Variants in ATP6V0A4 observed in about 807,000 individuals in gnomAD.
ATP6V0A4 encodes ATPase H+ transporting V0 subunit a4, also known as V-type proton ATPase 116 kDa subunit a 4.
ATP6V0A4 carries 86 observed loss-of-function variants against 107.3 expected under a neutral mutation model. That is an observed-to-expected ratio of 0.80 (90% CI 0.67 to 0.96). The LOEUF is 0.96. Ranked by LOEUF, ATP6V0A4 falls within the 40% of genes least tolerant of loss-of-function variation. The pLI is 0.00. For synonymous variants in ATP6V0A4, 353 were observed against 381.4 expected (o/e 0.93, Z 0.87); for missense variants, 908 against 1,045.6 (o/e 0.87, Z 1.81).
rs117531341 is a variant in ATP6V0A4, at chr7:138,773,917, C to A, written c.-17-2653G>T. 4,553 of 152,374 alleles carry A rather than the reference C, an allele frequency of 0.03. 100 individuals are homozygous for A. The highest frequency in any genetic ancestry group is 0.048 in the Non-Finnish European group (3,300 of 68,056). 9.4% of individuals were successfully genotyped at this position (152,374 alleles called of 1,614,324 possible). A position where few individuals can be genotyped will look rare whatever the true frequency, so the allele number is the denominator to read the frequency against. Reference sequence around the variant, plus strand: ...GGGAGCCCCAGGTCTGGCAGCCCTCCGTGCTTGCTAGCAGTCCTGGGCGGA... The same window carrying A: ...GGGAGCCCCAGGTCTGGCAGCCCTCAGTGCTTGCTAGCAGTCCTGGGCGGA... On this transcript the variant is annotated intron_variant, in intron 2 of 21. Transcript: ENST00000310018. This position sits in a 1 kb window ranked among gnomAD's most constrained non-coding sequence, Gnocchi z 5.4.
intron 7 of ATP6V0A4, among the ~76,000 whole-genome samples, chr7:138,761,867 T>C (rs1307476170): frequency 6.6e-6 from 1 of 151,928 alleles, no homozygotes; most frequent in Non-Finnish European, 1.5e-5. Context: ...TTAGTAGAGA[T>C]TGGGGTTTCA....
intron 21 of ATP6V0A4, among the ~76,000 whole-genome samples, chr7:138,707,365 A>ATATATATATTTATATATATATTATATTG (rs1803494978): frequency 1.0e-5 from 1 of 98,160 alleles, no homozygotes; most frequent in Non-Finnish European, 1.9e-5. Flanking sequence ...ATATTATATT[A>ATATATATATTTATATATATATTATATTG]TATATATATT....
intron 13 of ATP6V0A4, 135 bp downstream of exon 13, chr7:138,747,290 G>A (rs973843882): frequency 5.2e-5 from 60 of 1,145,832 alleles, no homozygotes; most frequent in Non-Finnish European, 6.7e-5. Context: ...AGAAGTTTTA[G>A]GTTAATTTGG....
At chr7:138,718,343 G>C (rs1804211962) in intron 19 of ATP6V0A4, among the ~76,000 whole-genome samples, 1 of 125,338 alleles carries the variant, frequency 8.0e-6, no homozygotes, top group African/African-American at 3.0e-5. Context: ...TCTGCGGAGG[G>C]AGACGTCCAG....
chr7:138,728,856 C>T lies in ATP6V0A4; in HGVS notation c.1915G>A (p.Val639Ile). 1 of 1,614,168 alleles carries T rather than the reference C, an allele frequency of 6.2e-7. No homozygotes were observed. The highest frequency in any genetic ancestry group is 2.2e-5 in the East Asian group (1 of 44,890). Residue 639 changes from valine (V) to isoleucine (I), a missense_variant, in exon 18 of 22, where the codon GTC becomes ATC. Val to Ile is a conservative substitution (Grantham distance 29). Coordinates refer to ENST00000310018, the MANE Select transcript of ATP6V0A4 (RefSeq NM_020632.3). ...GCCATAACCACAAAGAAACTTTGGA[C>T]TTCTTGCTGCAAGACCAAAATGGCG... ...NAPLYKHQQE[V>I]QSFFVVMALI...
At position 138,771,202 on chromosome 7, in the gene ATP6V0A4, A is replaced by T. The variant is rs199577631; in HGVS notation, c.46T>A (p.Phe16Ile). 6.2e-7 allele frequency: 1 copy of T among 1,614,166 alleles called. No individual in the cohort carries two copies. Among genetic ancestry groups the T allele is most frequent in the East Asian group, 2.2e-5 (1 of 44,884 alleles). ...RSEEMCLSQL[F>I]LQVEAAYCCV... ...CAATATGCAGCTTCCACCTGGAGAAACAGTTGTGACAAACACATCTCCTCG... is the reference window on the plus strand; with the variant it reads ...CAATATGCAGCTTCCACCTGGAGAATCAGTTGTGACAAACACATCTCCTCG... Residue 16 changes from phenylalanine to isoleucine, a missense_variant, in exon 3 of 22, where the codon TTT becomes ATT. By Grantham distance (21) the Phe-to-Ile change is conservative. Coordinates refer to ENST00000310018, the MANE Select transcript of ATP6V0A4 (RefSeq NM_020632.3).
At chr7:138,716,796 T>C (rs1321170594) in intron 19 of ATP6V0A4, among the ~76,000 whole-genome samples, 1 of 152,150 alleles carries the variant, frequency 6.6e-6, no homozygotes, top group Non-Finnish European at 1.5e-5. Context: ...ACTCCTGGCC[T>C]TAAGCAATCT....
At chr7:138,713,282 A>G (rs979637753) in intron 20 of ATP6V0A4, among the ~76,000 whole-genome samples, 8 of 36,430 alleles carry the variant, frequency 2.2e-4, no homozygotes, top group African/African-American at 7.0e-4. Context: ...TCCAGCCTGA[A>G]AAAAAAAAAA....
intron 2 of ATP6V0A4, among the ~76,000 whole-genome samples, chr7:138,782,779 T>C: frequency 6.6e-6 from 1 of 151,994 alleles, no homozygotes; most frequent in East Asian, 1.9e-4. Context: ...GAAGAAAAGA[T>C]GGGCATGGAA....
chr7:138,787,461 C>T (rs1307206134), intron 1 of ATP6V0A4, among the ~76,000 whole-genome samples: 1 of 152,040 alleles, frequency 6.6e-6, no homozygotes, highest in Non-Finnish European at 1.5e-5. Context: ...TCTTGTGTTC[C>T]CAACCAACAA....
At chr7:138,776,350 C>T (rs1012428693) in intron 2 of ATP6V0A4, among the ~76,000 whole-genome samples, 1 of 152,174 alleles carries the variant, frequency 6.6e-6, no homozygotes, top group East Asian at 1.9e-4. Flanking sequence ...GAGTTGCTTG[C>T]GTTTCTTGAG....
chr7:138,752,987 T>C, intron 10 of ATP6V0A4, 150 bp from the exon 11 acceptor site: 1 of 1,438,270 alleles, frequency 7.0e-7, no homozygotes, highest in South Asian at 1.3e-5. Flanking sequence ...TGAACTCTCC[T>C]GAGCAGTTTA....
chr7:138,794,835 C>A (rs1402350794), intron 1 of ATP6V0A4, among the ~76,000 whole-genome samples: 1 of 151,878 alleles, frequency 6.6e-6, no homozygotes, highest in Admixed American at 6.6e-5. Context: ...TAAAAAGTGG[C>A]CACACACACA....
intron 2 of ATP6V0A4, among the ~76,000 whole-genome samples, chr7:138,783,399 T>C (rs1273786369): frequency 6.6e-6 from 1 of 152,062 alleles, no homozygotes. Context: ...AGCAAGACCC[T>C]GTCTCTATTT....
chr7:138,737,127 T>TATATATATATATATATATATA (rs1365519910), intron 15 of ATP6V0A4, among the ~76,000 whole-genome samples: 11 of 131,518 alleles, frequency 8.4e-5, no homozygotes, highest in African/African-American at 2.6e-4. Context: ...TATATATATA[T>TATATATATATATATATATATA]GATACAAACT....
At chr7:138,768,929 A>G (rs948872576) in intron 4 of ATP6V0A4, 55 bp from the exon 5 acceptor site, 1 of 1,608,586 alleles carries the variant, frequency 6.2e-7, no homozygotes, top group African/African-American at 1.3e-5. Context: ...TCTCATAACT[A>G]AGAAATGAGG....
At chr7:138,777,816 A>C (rs192401337) in intron 2 of ATP6V0A4, among the ~76,000 whole-genome samples, 10 of 152,320 alleles carry the variant, frequency 6.6e-5, no homozygotes, top group Non-Finnish European at 1.3e-4. Context: ...TGAGAATCAG[A>C]AGATGCAAGA....
chr7:138,718,558 A>G (rs1804244263), intron 19 of ATP6V0A4, among the ~76,000 whole-genome samples: 2 of 96,520 alleles, frequency 2.1e-5, no homozygotes, highest in African/African-American at 7.7e-5. Flanking sequence ...ATGTCTGCGG[A>G]GGGAGACATC....
At chr7:138,721,798 C>G in intron 19 of ATP6V0A4, 99 bp downstream of exon 19, 1 of 1,391,496 alleles carries the variant, frequency 7.2e-7, no homozygotes, top group Non-Finnish European at 1.0e-6. Context: ...GGCTACTGCC[C>G]CGTGGGGCCC....
Sources: allele counts gnomAD v4.1 joint callset (sites outside exome capture counted in the v4.1 genomes callset), GRCh38; gene constraint gnomAD v4.1.1; non-coding constraint Gnocchi (gnomAD v3.1); transcripts MANE v1.5; gene names NCBI Gene and HGNC (gene_info 2026-07-23, HGNC 2026-07-21).